PSMA8: variants seen among roughly 807,000 people sequenced by gnomAD.
The protein encoded by PSMA8 is proteasome 20S subunit alpha 8.
PSMA8 carries 18 observed loss-of-function variants against 32.4 expected under a neutral mutation model. The observed-to-expected ratio is 0.56, with a 90% CI of 0.38 to 0.82. The LOEUF (loss-of-function observed/expected upper bound fraction) is 0.82, where lower values mean the gene tolerates loss of function less well. Ranked by LOEUF, PSMA8 falls within the 40% of genes least tolerant of loss-of-function variation. The pLI is 0.00. For missense variants in PSMA8, 298 were observed against 300.7 expected, an observed-to-expected ratio of 0.99 and a Z score of 0.07; for synonymous variants, 104 against 98.1, an observed-to-expected ratio of 1.06 and a Z score of -0.36.
chr18:26,144,875 A>T (rs1186937662), intron 2 of PSMA8, among the ~76,000 whole-genome samples, 190 bp downstream of exon 2: 1 of 152,214 alleles, frequency 6.6e-6, no homozygotes, highest in Non-Finnish European at 1.5e-5. Context: ...ATGTTAAAAG[A>T]TATATATTAC....
chr18:26,163,756 T>C (rs771888891), intron 4 of PSMA8, among the ~76,000 whole-genome samples: 17 of 152,152 alleles, frequency 1.1e-4, no homozygotes, highest in Non-Finnish European at 2.2e-4. Context: ...CCATTTGAAG[T>C]TTTTACATAT....
chr18:26,186,195 G>A (rs1029875840), intron 6 of PSMA8, among the ~76,000 whole-genome samples: 2 of 141,772 alleles, frequency 1.4e-5, no homozygotes, highest in Admixed American at 7.7e-5. Flanking sequence ...GTTGCAGTGA[G>A]CTGAGATCAC....
At chr18:26,178,217 C>G (rs2055279232) in intron 4 of PSMA8, among the ~76,000 whole-genome samples, 1 of 151,880 alleles carries the variant, frequency 6.6e-6, no homozygotes, top group East Asian at 1.9e-4. Flanking sequence ...GACCCTGTTT[C>G]AAAAGAATAT....
chr18:26,191,545 G>A (rs565236760), intron 6 of PSMA8, among the ~76,000 whole-genome samples: 36 of 128,990 alleles, frequency 2.8e-4, no homozygotes, highest in African/African-American at 1.1e-3. Context: ...CAGCTACTGA[G>A]GAGACTGAGG....
At chr18:26,140,082 T>C in intron 1 of PSMA8, 1 of 703,084 alleles carries the variant, frequency 1.4e-6, no homozygotes. Flanking sequence ...TCTTGTGGCC[T>C]GGCATGGATG....
chr18:26,137,142 G>A (rs934404275), intron 1 of PSMA8, among the ~76,000 whole-genome samples: 16 of 152,286 alleles, frequency 1.1e-4, no homozygotes, highest in African/African-American at 3.8e-4. Flanking sequence ...TTCAGTTTCT[G>A]TAATAGTAAA....
chr18:26,139,401 C>T (rs1332480934), intron 1 of PSMA8, among the ~76,000 whole-genome samples: 1 of 152,194 alleles, frequency 6.6e-6, no homozygotes, highest in African/African-American at 2.4e-5. Flanking sequence ...CCTAGAGATG[C>T]ATGCAGCACT....
chr18:26,185,608 C>G (rs979882892), intron 6 of PSMA8, among the ~76,000 whole-genome samples: 1 of 150,848 alleles, frequency 6.6e-6, no homozygotes, highest in African/African-American at 2.4e-5. Flanking sequence ...ATTCTGTTTG[C>G]TGGTTGGCTA....
chr18:26,172,558 CA>C (rs1295324675), intron 4 of PSMA8, among the ~76,000 whole-genome samples: 1 of 152,076 alleles, frequency 6.6e-6, no homozygotes, highest in Non-Finnish European at 1.5e-5. Flanking sequence ...GTTTCCTGAG[CA>C]CAGGGTTAAG....
At chr18:26,187,973 G>A (rs972817260) in intron 6 of PSMA8, among the ~76,000 whole-genome samples, 1 of 152,092 alleles carries the variant, frequency 6.6e-6, no homozygotes, top group Non-Finnish European at 1.5e-5. Context: ...TCCAACAGCT[G>A]CAGAATATGC....
At chr18:26,187,920 C>T (rs961842357) in intron 6 of PSMA8, among the ~76,000 whole-genome samples, 1 of 152,134 alleles carries the variant, frequency 6.6e-6, no homozygotes, top group Non-Finnish European at 1.5e-5. Flanking sequence ...TTAAACTGCA[C>T]TGTAGACCAA....
intron 4 of PSMA8, among the ~76,000 whole-genome samples, chr18:26,174,664 T>C (rs1346316175): frequency 6.6e-6 from 1 of 152,214 alleles, no homozygotes; most frequent in Non-Finnish European, 1.5e-5. Context: ...CTTGTCAGTA[T>C]GGGCCATAAT....
chr18:26,157,206 A>G (rs1020603008), intron 3 of PSMA8, among the ~76,000 whole-genome samples: 5 of 152,124 alleles, frequency 3.3e-5, no homozygotes, highest in East Asian at 3.8e-4. Flanking sequence ...CCACAGTTAC[A>G]TACAGTTATA....
At chr18:26,145,243 C>T (rs190474753) in intron 2 of PSMA8, among the ~76,000 whole-genome samples, 3 of 152,202 alleles carry the variant, frequency 2.0e-5, no homozygotes, top group East Asian at 3.9e-4. Context: ...CTCAGCCTCC[C>T]GAGTAGCTGG....
chr18:26,163,236 TATA>T (rs1400952681), intron 4 of PSMA8, among the ~76,000 whole-genome samples: 2 of 123,670 alleles, frequency 1.6e-5, no homozygotes, highest in African/African-American at 3.6e-5. Context: ...TATATATATA[TATA>T]TATATATATA....
At chr18:26,153,489 C>T (rs2055062599) in intron 3 of PSMA8, among the ~76,000 whole-genome samples, 1 of 152,170 alleles carries the variant, frequency 6.6e-6, no homozygotes, top group African/African-American at 2.4e-5. Context: ...GAATCATCAA[C>T]ATTAGGTTTT....
At position 26,158,826 on chromosome 18, in the gene PSMA8, A is replaced by T. The variant is rs138246943; in HGVS notation, c.477+582A>T. Among the ~76,000 whole-genome samples, 263 of 152,340 alleles carry T rather than the reference A, an allele frequency of 1.7e-3. 1 individual carries two copies. Among genetic ancestry groups the T allele is most frequent in the African/African-American group, 6.0e-3 (249 of 41,574 alleles). ...AATCCAATACAAAAGTATAGGGCTC[A>T]GCCAGGCACGGTAGTACACACCCAT... On this transcript the variant is annotated intron_variant, in intron 4 of 6. Transcript: ENST00000415576.
chr18:26,144,592 G>C lies in PSMA8; in HGVS notation c.136G>C (p.Gly46Arg), dbSNP rs750207019. The C allele has an allele frequency of 3.2e-5, 51 of 1,613,238 alleles. No homozygotes were observed. Among genetic ancestry groups the C allele is most frequent in the Non-Finnish European group, 2.5e-6 (3 of 1,179,482 alleles). Residue 46 changes from glycine (G) to arginine (R), a missense_variant, in exon 2 of 7, where the codon GGG becomes CGG. Gly to Arg is a moderately radical substitution (Grantham distance 125, BLOSUM62 -2). Coordinates refer to ENST00000415576, the MANE Select transcript of PSMA8 (RefSeq NM_001025096.2). ...TCGAGGTACCAATATAGTTGTTCTTGGGGTAGAAAAAAAATCTGTTGCCAA... is the reference window on the plus strand; with the variant it reads ...TCGAGGTACCAATATAGTTGTTCTTCGGGTAGAAAAAAAATCTGTTGCCAA... ...GIRGTNIVVL[G>R]VEKKSVAKLQ...
At chr18:26,180,785 C>T (rs1226128573) in intron 6 of PSMA8, among the ~76,000 whole-genome samples, 1 of 151,896 alleles carries the variant, frequency 6.6e-6, no homozygotes, top group African/African-American at 2.4e-5. Flanking sequence ...TTACTGACAG[C>T]AGTGTTATAC....
Sources: allele counts gnomAD v4.1 joint callset (sites outside exome capture counted in the v4.1 genomes callset), GRCh38; gene constraint gnomAD v4.1.1; transcripts MANE v1.5; gene names NCBI Gene and HGNC (gene_info 2026-07-23, HGNC 2026-07-21).